The following AKAP11 variants were observed in gnomAD, a reference collection of about 807,000 sequenced individuals.
The protein encoded by AKAP11 is A-kinase anchoring protein 11.
A neutral mutation model predicts 146.1 loss-of-function variants in AKAP11; 36 were observed. That is an observed-to-expected ratio of 0.25 (90% CI 0.19 to 0.33). The LOEUF (loss-of-function observed/expected upper bound fraction) is 0.33. Ranked by LOEUF, AKAP11 falls within the 10% of genes least tolerant of loss-of-function variation. The probability of loss-of-function intolerance (pLI) is 1.00; values close to 1 mark genes in which losing one functional copy is unlikely to be tolerated. For missense variants in AKAP11, 2,201 were observed against 2,197.0 expected, an observed-to-expected ratio of 1.00 and a Z score of -0.04; for synonymous variants, 780 against 786.5, an observed-to-expected ratio of 0.99 and a Z score of 0.14.
Position 42,301,097 on chromosome 13 carries a change from T to C in AKAP11, c.2351T>C (p.Leu784Ser). The C allele has an allele frequency of 6.2e-7, 1 of 1,614,104 alleles. No individual in the cohort carries two copies. The highest frequency in any genetic ancestry group is 8.5e-7 in the Non-Finnish European group (1 of 1,179,952). The change falls in exon 8 of 13, where the codon TTG becomes TCG. Residue 784 changes from leucine to serine, a missense_variant. Leu to Ser is a moderately radical substitution (Grantham distance 145). This residue lies in a region of AKAP11 where 1,867 missense variants were observed against 1,833.5 expected (regional missense o/e 1.02). Coordinates refer to ENST00000025301, the MANE Select transcript of AKAP11 (RefSeq NM_016248.4). ...ATTGTTACTTCTATACCGGTGCCCT[T>C]GGCAGGAAGTGCCCTTCTCCCATAT... ...SGIVTSIPVP[L>S]AGSALLPYHI...
In AKAP11 at chr13:42,296,917, A is replaced by G. The variant is rs866917186; in HGVS notation, c.217-131A>G. On this transcript the variant is annotated intron_variant, in intron 5 of 12. Transcript: ENST00000025301. ...ATTATCTGTGAATAATAAACTGTAT[A>G]TGTTAACTATTATGAACCAGGAAAT... is the stretch of plus-strand genomic sequence containing the variant. 7.1e-5 allele frequency: 44 copies of G among 615,996 alleles called. No individual in the cohort carries two copies. In the Middle Eastern group the frequency reaches 3.3e-3, roughly 47 times the overall value. The allele number at this position is 615,996 out of a possible 1,614,324, so 38.2% of individuals were successfully genotyped here.
chr13:42,308,419 C>A lies in AKAP11; in HGVS notation c.5118-35C>A, dbSNP rs372555675. The A allele has an allele frequency of 6.0e-5, 91 of 1,522,566 alleles. 1 individual carries two copies. The highest frequency in any genetic ancestry group is 7.9e-5 in the Non-Finnish European group (88 of 1,120,258). The allele number at this position is 1,522,566 out of a possible 1,614,324, so 94.3% of individuals were successfully genotyped here. ...GTAAGTTCAGAATCTGGGATGCTTT[C>A]AATTTGATTTTTTTTCTTTTTTTCT... On this transcript the variant is annotated intron_variant, in intron 8 of 12. Transcript: ENST00000025301.
intron 11 of AKAP11, among the ~76,000 whole-genome samples, chr13:42,317,013 G>C (rs7984432): frequency 0.011 from 1,611 of 152,158 alleles, 20 homozygotes; most frequent in African/African-American, 0.037. Context: ...GAGTAGCTGG[G>C]ACTACAGGCA....
intron 1 of AKAP11, among the ~76,000 whole-genome samples, chr13:42,277,336 A>G (rs901463078): frequency 6.6e-6 from 1 of 152,178 alleles, no homozygotes; most frequent in African/African-American, 2.4e-5. Context: ...TCCTGCCTTC[A>G]TCTGATTATT....
rs367701493 is a variant in AKAP11 at position 42,300,286 on chromosome 13, A to T, written c.1540A>T (p.Asn514Tyr). 4 of 1,613,588 alleles carry T rather than the reference A, an allele frequency of 2.5e-6. No individual in the cohort carries two copies. Among genetic ancestry groups the T allele is most frequent in the Non-Finnish European group, 2.5e-6 (3 of 1,179,718 alleles). Reference protein sequence around the residue: ...LRTHHTNTLSNINSIKHGENK... With the variant: ...LRTHHTNTLSYINSIKHGENK... The stretch of plus-strand genomic sequence containing the variant: ...TACCCACCATACTAATACCCTATCA[A>T]ATATTAACAGTATTAAACATGGAGA... Residue 514 changes from asparagine to tyrosine, a missense_variant, in exon 8 of 13, where the codon AAT (asparagine) becomes TAT (tyrosine). Physicochemically the swap from Asn to Tyr is moderately radical, Grantham distance 143. Transcript: ENST00000025301.
chr13:42,295,697 C>T lies in AKAP11; in HGVS notation c.171C>T (p.Val57=). The change falls in exon 5 of 13, where the codon GTC becomes GTT. Residue 57 remains valine, a splice_region_variant and synonymous_variant. Coordinates refer to ENST00000025301, the MANE Select transcript of AKAP11 (RefSeq NM_016248.4). ...AGGTTTATTTGTTCTTTACTCAGGT[C>T]ACATTTCTGGGTTTTAATGAAGAGA... The part of the protein sequence containing the change: ...QQDEHANLTE[V]TFLGFNEETD... The T allele has an allele frequency of 1.2e-6, 2 of 1,612,194 alleles. No individual in the cohort carries two copies. Among genetic ancestry groups the T allele is most frequent in the Non-Finnish European group, 1.7e-6 (2 of 1,179,228 alleles).
Position 42,303,672 on chromosome 13 carries a change from TAATCTTGATAAGAAGG to T in AKAP11, c.4927_4942del (p.Asn1643GlnfsTer7). 6.2e-7 allele frequency: 1 copy of T among 1,614,204 alleles called. No homozygotes were observed. Among genetic ancestry groups the T allele is most frequent in the Non-Finnish European group, 8.5e-7 (1 of 1,180,022 alleles). On this transcript the variant is annotated frameshift_variant, in exon 8 of 13. Transcript: ENST00000025301. LOFTEE classifies it high-confidence loss of function. ...ATCTCAGTGTCCCTCAGATTCATGT[TAATCTTGATAAGAAGG>T]CAGTGCTTGCTGAGAAGATAGTTGC...
chr13:42,319,385 G>A lies in AKAP11; in HGVS notation c.*157G>A. Reference sequence around the variant, plus strand: ...TCTGAGCGCTTTGTGTTATCACTCGGTGTATATAGTTCATACTTTTGTAAT... The same window carrying A: ...TCTGAGCGCTTTGTGTTATCACTCGATGTATATAGTTCATACTTTTGTAAT... On this transcript the variant is annotated 3_prime_UTR_variant, in exon 13 of 13. Coordinates refer to ENST00000025301, the MANE Select transcript of AKAP11 (RefSeq NM_016248.4). 1 of 890,246 alleles carries A rather than the reference G, an allele frequency of 1.1e-6. No individual in the cohort carries two copies. Among genetic ancestry groups the A allele is most frequent in the South Asian group, 1.8e-5 (1 of 54,236 alleles). 55.1% of individuals were successfully genotyped at this position (890,246 alleles called of 1,614,324 possible).
In AKAP11 at chr13:42,322,377, C is replaced by G. The variant is rs1310327744; in HGVS notation, c.*3149C>G. 1 of 152,256 alleles carries G rather than the reference C, an allele frequency of 6.6e-6. No individual in the cohort carries two copies. Among genetic ancestry groups the G allele is most frequent in the Non-Finnish European group, 1.5e-5 (1 of 67,974 alleles). The allele number at this position is 152,256 out of a possible 1,614,324, so 9.4% of individuals were successfully genotyped here. A position where few individuals can be genotyped will look rare whatever the true frequency, so the allele number is the denominator to read the frequency against. On this transcript the variant is annotated 3_prime_UTR_variant, in exon 13 of 13. Transcript: ENST00000025301. ...ATGGCTGACATTAGTGCACATAATGCAGAGTTTAACCTTGATTCTTCAACA... is the reference window on the plus strand; with the variant it reads ...ATGGCTGACATTAGTGCACATAATGGAGAGTTTAACCTTGATTCTTCAACA...
At chr13:42,285,392 T>C (rs1452429047) in intron 1 of AKAP11, among the ~76,000 whole-genome samples, 1 of 152,224 alleles carries the variant, frequency 6.6e-6, no homozygotes, top group Non-Finnish European at 1.5e-5. Context: ...TGAAAATACT[T>C]GAAACTAAGA....
rs1454290488 is a variant in AKAP11, at chr13:42,303,774, G to C, written c.5028G>C (p.Gly1676=). The change falls in exon 8 of 13, where the codon GGG becomes GGC. Residue 1676 remains glycine (G), a synonymous_variant. Transcript: ENST00000025301. ...GTACCAGCCTGGCAGCCGACAGTGGGATCGGACAGGAGGGTGCCAGCTTTG... is the reference window on the plus strand; with the variant it reads ...GTACCAGCCTGGCAGCCGACAGTGGCATCGGACAGGAGGGTGCCAGCTTTG... ...LSSTSLAADS[G]IGQEGASFAE... The C allele has an allele frequency of 2.5e-6, 4 of 1,614,100 alleles. No individual in the cohort carries two copies.
chr13:42,289,397 T>G (rs571711831), intron 3 of AKAP11, among the ~76,000 whole-genome samples: 31 of 152,178 alleles, frequency 2.0e-4, no homozygotes, highest in Non-Finnish European at 4.6e-4. Flanking sequence ...ATTCACTAAT[T>G]TATTTGTAAT....
Position 42,297,768 on chromosome 13 carries a change from C to A in AKAP11, c.351+586C>A, listed in dbSNP as rs186229208. On this transcript the variant is annotated intron_variant, in intron 6 of 12. Coordinates refer to ENST00000025301, the MANE Select transcript of AKAP11 (RefSeq NM_016248.4). ...AGAGATAAGACATATACAATTGAAC[C>A]AGAAAATTTAAAATTTGGATTATTT... Among the ~76,000 whole-genome samples the A allele has an allele frequency of 4.6e-5, 7 of 151,864 alleles. No homozygotes were observed. The East Asian group carries it at 1.3e-3, about 29-fold the overall frequency.
Position 42,303,670 on chromosome 13 carries a change from G to A in AKAP11, c.4924G>A (p.Val1642Ile). The change falls in exon 8 of 13, where the codon GTT (valine) becomes ATT (isoleucine). Residue 1642 changes from valine (V) to isoleucine (I), a missense_variant. By Grantham distance (29) the Val-to-Ile change is conservative. Transcript: ENST00000025301. ...IFHLSVPQIHVNLDKKAVLAE... is the reference protein window; with the variant it reads ...IFHLSVPQIHINLDKKAVLAE... Reference sequence around the variant, plus strand: ...TCATCTCAGTGTCCCTCAGATTCATGTTAATCTTGATAAGAAGGCAGTGCT... The same window carrying A: ...TCATCTCAGTGTCCCTCAGATTCATATTAATCTTGATAAGAAGGCAGTGCT... 1 of 1,614,134 alleles carries A rather than the reference G, an allele frequency of 6.2e-7. No homozygotes were observed. Among genetic ancestry groups the A allele is most frequent in the Non-Finnish European group, 8.5e-7 (1 of 1,179,996 alleles).
rs137926042 is a variant in AKAP11, at chr13:42,313,430, G to C, written c.5357+300G>C. Among the ~76,000 whole-genome samples, 1,357 of 151,978 alleles carry C rather than the reference G, an allele frequency of 8.9e-3. 12 individuals carry two copies. Among genetic ancestry groups the C allele is most frequent in the South Asian group, 0.035 (168 of 4,796 alleles). On this transcript the variant is annotated intron_variant, in intron 10 of 12. Coordinates refer to ENST00000025301, the MANE Select transcript of AKAP11 (RefSeq NM_016248.4). ...TTGCTTCCTACAGGATTTCTGTTGG[G>C]TTTTTTTGTTATGTTTTATTTTTGT... is the stretch of plus-strand genomic sequence containing the variant.
intron 10 of AKAP11, among the ~76,000 whole-genome samples, chr13:42,313,568 G>A (rs761641982): frequency 6.6e-6 from 1 of 152,046 alleles, no homozygotes; most frequent in African/African-American, 2.4e-5. Flanking sequence ...CTGGCATTTT[G>A]TAATATTCAA....
intron 5 of AKAP11, among the ~76,000 whole-genome samples, chr13:42,296,260 A>G (rs192922990): frequency 1.3e-4 from 20 of 152,296 alleles, no homozygotes; most frequent in Admixed American, 1.2e-3. Context: ...TGAATAATGC[A>G]TATCAGGTGA....
chr13:42,289,737 A>G (rs1278313641), intron 3 of AKAP11, among the ~76,000 whole-genome samples: 2 of 152,104 alleles, frequency 1.3e-5, no homozygotes, highest in African/African-American at 4.8e-5. Flanking sequence ...TTACCATGTC[A>G]TGAGTTTATA....
rs1961011656 is a variant in AKAP11, at chr13:42,319,940, T to TGTGTGTGTGTGTGTGTGTGTGTGTGG, written c.*722_*723insGTGTGTGTGTGTGTGGGTGTGTGTGT. 1 of 151,326 alleles carries TGTGTGTGTGTGTGTGTGTGTGTGTGG rather than the reference T, an allele frequency of 6.6e-6. No homozygotes were observed. The highest frequency in any genetic ancestry group is 1.5e-5 in the Non-Finnish European group (1 of 67,842). The allele number at this position is 151,326 out of a possible 1,614,324, so 9.4% of individuals were successfully genotyped here. ...GTGTGTGTGTGTGTGTGTGTGTGTGTGTGTGTGTGTAAGGGAGTACTTTAA... is the reference window on the plus strand; with the variant it reads ...GTGTGTGTGTGTGTGTGTGTGTGTGTGTGTGTGTGTGTGTGTGTGTGTGTGGGTGTGTGTGTAAGGGAGTACTTTAA... On this transcript the variant is annotated 3_prime_UTR_variant, in exon 13 of 13. Coordinates refer to ENST00000025301, the MANE Select transcript of AKAP11 (RefSeq NM_016248.4).
Sources: allele counts gnomAD v4.1 joint callset (sites outside exome capture counted in the v4.1 genomes callset), GRCh38; gene constraint gnomAD v4.1.1; regional missense constraint gnomAD v4.1.1; transcripts MANE v1.5; gene names NCBI Gene and HGNC (gene_info 2026-07-23, HGNC 2026-07-21).